FDFT1: variants seen among roughly 807,000 people sequenced by gnomAD.
The protein encoded by FDFT1 is farnesyl-diphosphate farnesyltransferase 1.
Under a neutral mutation model 46.8 loss-of-function variants are expected in FDFT1, and 68 were observed. That is an observed-to-expected ratio of 1.45 (90% confidence interval 1.19 to 1.78). The LOEUF (loss-of-function observed/expected upper bound fraction) is 1.78. FDFT1 is among the 40% of genes most tolerant of loss of function. The pLI is 0.00. For synonymous variants in FDFT1, 351 were observed against 185.1 expected, an observed-to-expected ratio of 1.90 and a Z score of -7.28; for missense variants, 928 against 524.4, an observed-to-expected ratio of 1.77 and a Z score of -7.52.
At chr8:11,834,379 C>T (rs1811258453) in intron 7 of FDFT1, among the ~76,000 whole-genome samples, 1 of 152,220 alleles carries the variant, frequency 6.6e-6, no homozygotes, top group South Asian at 2.1e-4. Context: ...GCCAAACGGC[C>T]AGAAACCCCC....
chr8:11,809,292 A>T (rs1807371525), intron 2 of FDFT1: 2 of 1,093,920 alleles, frequency 1.8e-6, no homozygotes, highest in Non-Finnish European at 2.2e-6. Context: ...AGTTGCCTTT[A>T]TGTATGATCG....
At chr8:11,834,448 AC>A (rs1039796810) in intron 7 of FDFT1, among the ~76,000 whole-genome samples, 1 of 152,278 alleles carries the variant, frequency 6.6e-6, no homozygotes, top group African/African-American at 2.4e-5. Flanking sequence ...GTGTCTCTGC[AC>A]ACTTCCTGTG....
chr8:11,828,893 T>G (rs1310191886), intron 5 of FDFT1, among the ~76,000 whole-genome samples: 2 of 152,260 alleles, frequency 1.3e-5, no homozygotes, highest in African/African-American at 4.8e-5. Flanking sequence ...AGACCACATT[T>G]ATCCATTCAT....
chr8:11,799,605 AT>A (rs762628288), upstream of FDFT1, among the ~76,000 whole-genome samples: 13 of 152,206 alleles, frequency 8.5e-5, no homozygotes, highest in African/African-American at 1.4e-4. Context: ...GGGCTATCTG[AT>A]CTCCTGTCCC....
rs1208641829 is a variant in FDFT1 at position 11,826,045 on chromosome 8, C to G, written c.532C>G (p.Leu178Val). Residue 178 changes from leucine (L) to valine (V), a missense_variant, in exon 5 of 8, where the codon CTG (leucine) becomes GTG (valine). Physicochemically the swap from Leu to Val is conservative, Grantham distance 32. Coordinates refer to ENST00000220584, the MANE Select transcript of FDFT1 (RefSeq NM_004462.5). ...WDKYCHYVAG[L>V]VGIGLSRLFS... Reference sequence around the variant, plus strand: ...ACAGTACTGCCACTATGTTGCTGGGCTGGTCGGAATTGGCCTTTCCCGTCT... The same window carrying G: ...ACAGTACTGCCACTATGTTGCTGGGGTGGTCGGAATTGGCCTTTCCCGTCT... 1 of 1,594,966 alleles carries G rather than the reference C, an allele frequency of 6.3e-7. No homozygotes were observed. Among genetic ancestry groups the G allele is most frequent in the East Asian group, 2.2e-5 (1 of 44,498 alleles).
chr8:11,823,536 C>A (rs1226338444), intron 4 of FDFT1, among the ~76,000 whole-genome samples: 1 of 152,044 alleles, frequency 6.6e-6, no homozygotes, highest in Non-Finnish European at 1.5e-5. Context: ...TGCATTCTTC[C>A]CCCTGATTAG....
Position 11,823,780 on chromosome 8 carries a change from G to A in FDFT1, c.510+1902G>A, listed in dbSNP as rs879899600. On this transcript the variant is annotated intron_variant, in intron 4 of 7. Transcript: ENST00000220584. The stretch of plus-strand genomic sequence containing the variant: ...TATTTTTGAGACAGGGTATTGCTCT[G>A]TCACCCAGGCTGGAGTGTAGTGGCA... 4.6e-5 allele frequency among the ~76,000 whole-genome samples: 7 copies of A among 152,210 alleles called. No homozygotes were observed. The South Asian group carries it at 8.3e-4, about 18-fold the overall frequency.
chr8:11,801,728 C>T (rs935394482), upstream of FDFT1: 4 of 317,184 alleles, frequency 1.3e-5, no homozygotes, highest in East Asian at 9.3e-5. Flanking sequence ...TAGTCTTGCT[C>T]TGTTGGCCTG....
chr8:11,833,527 A>AT (rs1412059970), intron 7 of FDFT1, among the ~76,000 whole-genome samples: 1 of 152,234 alleles, frequency 6.6e-6, no homozygotes, highest in African/African-American at 2.4e-5. Flanking sequence ...TTTGTGGCCA[A>AT]TTCCATTACT....
At chr8:11,796,550 C>T (rs1474704860) in intron 1 of FDFT1, among the ~76,000 whole-genome samples, 5 of 152,160 alleles carry the variant, frequency 3.3e-5, no homozygotes, top group Non-Finnish European at 7.3e-5. Context: ...CACTCCGAGG[C>T]AGGCAGGGGA....
chr8:11,817,735 G>A (rs527336248), intron 3 of FDFT1, among the ~76,000 whole-genome samples: 1 of 151,884 alleles, frequency 6.6e-6, no homozygotes, highest in South Asian at 2.1e-4. Flanking sequence ...TTTTTATTAC[G>A]TCTTTTTGAT....
chr8:11,807,458 C>T (rs1319016765), intron 1 of FDFT1, among the ~76,000 whole-genome samples: 2 of 152,154 alleles, frequency 1.3e-5, no homozygotes, highest in African/African-American at 4.8e-5. Context: ...CCACTGCACC[C>T]GGCCCTGTTG....
chr8:11,827,449 T>C (rs554242755), intron 5 of FDFT1, among the ~76,000 whole-genome samples: 1,992 of 151,688 alleles, frequency 0.013, 47 homozygotes, highest in African/African-American at 0.045. Flanking sequence ...GCGCAGGAGC[T>C]CAAGGTTGGA....
At chr8:11,797,464 A>T (rs994189500), upstream of FDFT1, among the ~76,000 whole-genome samples, 10 of 152,022 alleles carry the variant, frequency 6.6e-5, no homozygotes, top group African/African-American at 2.4e-4. Flanking sequence ...TATCTTACTC[A>T]TCTTTGTTTT....
intron 3 of FDFT1, among the ~76,000 whole-genome samples, chr8:11,819,918 G>C (rs1585933129): frequency 6.6e-6 from 1 of 152,186 alleles, no homozygotes; most frequent in Non-Finnish European, 1.5e-5. Context: ...CTTTGGAGGA[G>C]AAGAGGCGTT....
chr8:11,836,629 T>A (rs899857157), intron 7 of FDFT1, among the ~76,000 whole-genome samples: 1 of 152,274 alleles, frequency 6.6e-6, no homozygotes, highest in Non-Finnish European at 1.5e-5. Context: ...TGCCTCAGGT[T>A]CTGCTTTTAG....
At chr8:11,814,776 C>G (rs188464579) in intron 3 of FDFT1, among the ~76,000 whole-genome samples, 4 of 151,664 alleles carry the variant, frequency 2.6e-5, no homozygotes, top group Admixed American at 2.0e-4. Context: ...AACTCTATAG[C>G]TTCATAATAT....
At chr8:11,831,716 GATT>G in intron 7 of FDFT1, 46 bp downstream of exon 7, 1 of 1,493,340 alleles carries the variant, frequency 6.7e-7, no homozygotes, top group Non-Finnish European at 9.3e-7. Context: ...CTACTTTTAT[GATT>G]TAGTAATGTC....
intron 3 of FDFT1, among the ~76,000 whole-genome samples, chr8:11,816,643 G>A (rs994862562): frequency 1.3e-5 from 2 of 152,264 alleles, no homozygotes; most frequent in South Asian, 4.1e-4. Context: ...GTGAATGGGA[G>A]TTCACTCATG....
Sources: gnomAD v4.1 joint callset for allele counts (sites outside exome capture counted in the v4.1 genomes callset) on GRCh38, gnomAD v4.1.1 for gene constraint, MANE v1.5 for transcripts, NCBI Gene and HGNC (gene_info 2026-07-23, HGNC 2026-07-21) for gene names.